Variants in MACF1 observed in about 807,000 individuals in gnomAD.
MACF1 encodes microtubule actin crosslinking factor 1.
In MACF1, 193 loss-of-function variants were observed where a neutral mutation model predicts 854.8. The ratio of observed to expected loss-of-function variants is 0.23; its 90% CI spans 0.20 to 0.25. The LOEUF (loss-of-function observed/expected upper bound fraction) is 0.25. Among genes scored for constraint, MACF1 ranks in the 10% least tolerant of loss-of-function variants. The pLI is 1.00. For synonymous variants in MACF1, 3,185 were observed against 3,226.7 expected, an observed-to-expected ratio of 0.99 and a Z score of 0.44; for missense variants, 7,722 against 8,929.1, an observed-to-expected ratio of 0.86 and a Z score of 5.45.
rs778176738 is a variant in MACF1, at chr1:39,433,124, C to T, written c.17534C>T (p.Thr5845Ile). 6 of 1,610,804 alleles carry T rather than the reference C, an allele frequency of 3.7e-6. No homozygotes were observed. In the African/African-American group the frequency reaches 6.7e-5, roughly 18 times the overall value. ...LFSHRSEIFG[T>I]CGEEQKTVLQ... ...AGTCACCGTAGTGAAATCTTTGGCA[C>T]ATGTGGGGAGGAGCAAAAAACTGTA... The change falls in exon 68 of 101, where the codon ACA becomes ATA. Residue 5845 changes from threonine to isoleucine, a missense_variant. Transcript: ENST00000564288.
Position 39,486,566 on chromosome 1 carries a change from C to T in MACF1, c.*772C>T, listed in dbSNP as rs1400017381. The T allele has an allele frequency of 6.6e-6, 1 of 152,636 alleles. No individual in the cohort carries two copies. The highest frequency in any genetic ancestry group is 1.5e-5 in the Non-Finnish European group (1 of 68,044). 9.5% of individuals were successfully genotyped at this position (152,636 alleles called of 1,614,324 possible). A position where few individuals can be genotyped will look rare whatever the true frequency, so the allele number is the denominator to read the frequency against. On this transcript the variant is annotated 3_prime_UTR_variant, in exon 101 of 101. Coordinates refer to ENST00000564288, the MANE Select transcript of MACF1 (RefSeq NM_001394062.1). Reference sequence around the variant, plus strand: ...TGTTCACCAGGACCCAGACCCTTGGCAAGGGATAGGCTCGTTGGTGACATT... The same window carrying T: ...TGTTCACCAGGACCCAGACCCTTGGTAAGGGATAGGCTCGTTGGTGACATT...
chr1:39,171,921 C>T (rs144853621), intron 2 of MACF1, among the ~76,000 whole-genome samples: 78 of 152,368 alleles, frequency 5.1e-4, no homozygotes, highest in African/African-American at 1.7e-3. Context: ...CCACCACGCC[C>T]GGCCCAGACA....
chr1:39,403,236 C>T (rs1040907422), intron 58 of MACF1, among the ~76,000 whole-genome samples: 2 of 152,074 alleles, frequency 1.3e-5, no homozygotes, highest in African/African-American at 4.8e-5. Context: ...GTAGCTGGGA[C>T]TACAGGTGCA....
At chr1:39,372,191 C>T (rs1569765922) in intron 51 of MACF1, among the ~76,000 whole-genome samples, 1 of 152,190 alleles carries the variant, frequency 6.6e-6, no homozygotes, top group Admixed American at 6.6e-5. Context: ...TTGGAATTCA[C>T]AGACTGTCCA....
Position 39,170,947 on chromosome 1 carries a change from C to T in MACF1, c.221-60235C>T, listed in dbSNP as rs976675147. Among the ~76,000 whole-genome samples the T allele has an allele frequency of 3.9e-5, 6 of 152,176 alleles. No individual in the cohort carries two copies. In the South Asian group the frequency reaches 6.2e-4, roughly 16 times the overall value. On this transcript the variant is annotated intron_variant, in intron 2 of 93. Coordinates refer to the MACF1 transcript ENST00000361689. ...GAAGGCCTGAGACCTCTTTCCCTCA[C>T]GCCATAGCACACACACCTGCTGTTC... is the stretch of plus-strand genomic sequence containing the variant.
Position 39,387,541 on chromosome 1 carries a change from A to T in MACF1, c.14699A>T (p.Asp4900Val), listed in dbSNP as rs1255732667. Residue 4900 changes from aspartate (D) to valine (V), a missense_variant, in exon 58 of 101, where the codon GAT becomes GTT. Physicochemically the swap from Asp to Val is radical, Grantham distance 152 (BLOSUM62 -3). This residue lies in a region of MACF1 where 2,807 missense variants were observed against 3,235.8 expected (regional missense o/e 0.87). Transcript: ENST00000564288. ...KTADRQSRLK[D>V]CMQKAQKYQW... Reference sequence around the variant, plus strand: ...GCAGACAGACAATCCAGGCTCAAGGATTGTATGCAGAAAGCTCAGAAATAT... The same window carrying T: ...GCAGACAGACAATCCAGGCTCAAGGTTTGTATGCAGAAAGCTCAGAAATAT... 1.2e-6 allele frequency: 2 copies of T among 1,614,128 alleles called. No individual in the cohort carries two copies. The highest frequency in any genetic ancestry group is 1.1e-5 in the South Asian group (1 of 91,086).
chr1:39,128,187 C>T (rs1437272008), intron 2 of MACF1, among the ~76,000 whole-genome samples: 1 of 151,990 alleles, frequency 6.6e-6, no homozygotes, highest in Non-Finnish European at 1.5e-5. Flanking sequence ...ATTTTTATTA[C>T]CATACATCTG....
intron 11 of MACF1, 108 bp from the exon 12 acceptor site, chr1:39,284,974 AC>A: frequency 7.1e-7 from 1 of 1,418,176 alleles, no homozygotes; most frequent in Non-Finnish European, 9.7e-7. Context: ...AATAGGAAAA[AC>A]TGCTGAATGG....
At chr1:39,408,843 TC>T (rs1642833054) in intron 58 of MACF1, among the ~76,000 whole-genome samples, 1 of 151,660 alleles carries the variant, frequency 6.6e-6, no homozygotes, top group Non-Finnish European at 1.5e-5. Context: ...TCGCTCCGAA[TC>T]CCGCAGAAGC....
Position 39,440,106 on chromosome 1 carries a change from C to CTT in MACF1, c.18447+609_18447+610dup, listed in dbSNP as rs1251165556. The stretch of plus-strand genomic sequence containing the variant: ...CTTTTCTTTTCTTTTCTTTTCTTTT[C>CTT]TTTTCTTTTTTTTTTTTTTTTTTGG... On this transcript the variant is annotated intron_variant, in intron 72 of 100. Coordinates refer to ENST00000564288, the MANE Select transcript of MACF1 (RefSeq NM_001394062.1). Among the ~76,000 whole-genome samples the CTT allele has an allele frequency of 5.6e-3, 383 of 68,132 alleles. 11 individuals are homozygous for CTT. The highest frequency in any genetic ancestry group is 0.023 in the African/African-American group (356 of 15,222). The allele number at this position is 68,132 out of a possible 152,430, so 44.7% of individuals were successfully genotyped here.
chr1:39,199,563 G>A (rs1557514045), intron 2 of MACF1, among the ~76,000 whole-genome samples: 1 of 152,212 alleles, frequency 6.6e-6, no homozygotes, highest in East Asian at 1.9e-4. Context: ...AATTTCTGGA[G>A]CCTCAAGTGC....
chr1:39,295,496 A>G (rs887221606), intron 19 of MACF1, among the ~76,000 whole-genome samples: 2 of 152,238 alleles, frequency 1.3e-5, no homozygotes, highest in Non-Finnish European at 2.9e-5. Flanking sequence ...GAAACAGTGG[A>G]AGAATTCCAG....
At chr1:39,366,696 CTT>C (rs10718160) in intron 49 of MACF1, among the ~76,000 whole-genome samples, 129 of 133,702 alleles carry the variant, frequency 9.6e-4, no homozygotes, top group African/African-American at 2.1e-3. Flanking sequence ...TACAAATATA[CTT>C]TTTTTTTTTT....
At chr1:39,462,467 G>T (rs1644573821) in intron 93 of MACF1, among the ~76,000 whole-genome samples, 1 of 151,936 alleles carries the variant, frequency 6.6e-6, no homozygotes, top group Admixed American at 6.6e-5. Context: ...CACTTTGGGA[G>T]GCCAACACGG....
At chr1:39,192,620 C>CACAGAAAAA (rs900558887) in intron 2 of MACF1, among the ~76,000 whole-genome samples, 2 of 152,088 alleles carry the variant, frequency 1.3e-5, no homozygotes, top group Admixed American at 1.3e-4. Flanking sequence ...AGAATAAAAG[C>CACAGAAAAA]AACACAGTTT....
chr1:39,419,363 T>C (rs1189765456), intron 58 of MACF1, among the ~76,000 whole-genome samples: 1 of 152,214 alleles, frequency 6.6e-6, no homozygotes, highest in Non-Finnish European at 1.5e-5. Flanking sequence ...GTAGCTCTTA[T>C]TATAGATTGA....
chr1:39,416,330 A>C (rs1049115925), intron 58 of MACF1, among the ~76,000 whole-genome samples: 2 of 151,956 alleles, frequency 1.3e-5, no homozygotes, highest in African/African-American at 2.4e-5. Context: ...GTAGGTCAAC[A>C]ACAGAGCCAT....
At position 39,387,860 on chromosome 1, in the gene MACF1, A is replaced by C; in HGVS notation, c.15018A>C (p.Glu5006Asp). The C allele has an allele frequency of 6.2e-7, 1 of 1,614,118 alleles. No individual in the cohort carries two copies. The highest frequency in any genetic ancestry group is 8.5e-7 in the Non-Finnish European group (1 of 1,180,020). ...TGCAGGCCAAAACAGGGTCACTCGA[A>C]GAAATGACTCAGAGGCTCAGGGAGT... ...EELQAKTGSL[E>D]EMTQRLREFQ... is the part of the protein sequence containing the mutation. Residue 5006 changes from glutamate (E) to aspartate (D), a missense_variant, in exon 58 of 101, where the codon GAA (glutamate) becomes GAC (aspartate). Physicochemically the swap from Glu to Asp is conservative, Grantham distance 45. This residue lies in a region of MACF1 where 2,807 missense variants were observed against 3,235.8 expected (regional missense o/e 0.87). Transcript: ENST00000564288.
chr1:39,317,525 A>C (rs1646435701), intron 29 of MACF1, 118 bp downstream of exon 29: 1 of 1,176,930 alleles, frequency 8.5e-7, no homozygotes, highest in Non-Finnish European at 1.2e-6. Flanking sequence ...GAGGGGTGGA[A>C]ATTTAAAAAC....
Sources: allele counts gnomAD v4.1 joint callset (sites outside exome capture counted in the v4.1 genomes callset), GRCh38; gene constraint gnomAD v4.1.1; regional missense constraint gnomAD v4.1.1; transcripts MANE v1.5; gene names NCBI Gene and HGNC (gene_info 2026-07-23, HGNC 2026-07-21).